SLC25A21: variants seen among roughly 807,000 people sequenced by gnomAD.
SLC25A21 encodes mitochondrial 2-oxodicarboxylate carrier.
SLC25A21 carries 47 observed loss-of-function variants against 43.8 expected under a neutral mutation model. The observed-to-expected ratio is 1.07, with a 90% CI of 0.85 to 1.37. The LOEUF is 1.37. SLC25A21 is among the 40% of genes most tolerant of loss of function. The pLI, the probability that SLC25A21 is intolerant of heterozygous loss-of-function variation, is 0.00. For synonymous variants in SLC25A21, 131 were observed against 121.3 expected (o/e 1.08, Z -0.52); for missense variants, 352 against 350.2 (o/e 1.00, Z -0.04).
At chr14:37,088,870 A>ACTCT (rs762859172) in intron 1 of SLC25A21, among the ~76,000 whole-genome samples, 3 of 151,076 alleles carry the variant, frequency 2.0e-5, no homozygotes, top group Middle Eastern at 3.4e-3. Context: ...TTTCTTTCTT[A>ACTCT]CTCTCTCTCT....
chr14:36,969,517 C>A (rs1318285534), intron 1 of SLC25A21, among the ~76,000 whole-genome samples: 1 of 152,080 alleles, frequency 6.6e-6, no homozygotes, highest in South Asian at 2.1e-4. Context: ...GAGACAGGGT[C>A]TTACCCGGTG....
At chr14:37,165,332 G>A (rs952756570) in intron 1 of SLC25A21, among the ~76,000 whole-genome samples, 4 of 151,872 alleles carry the variant, frequency 2.6e-5, no homozygotes, top group Non-Finnish European at 5.9e-5. Context: ...AGCCAAGATT[G>A]CGCCACTGTA....
At chr14:36,732,522 C>A (rs1006578221) in intron 4 of SLC25A21, among the ~76,000 whole-genome samples, 2 of 152,094 alleles carry the variant, frequency 1.3e-5, no homozygotes, top group Non-Finnish European at 2.9e-5. Flanking sequence ...TATTTAGCAT[C>A]AGTAAGTCTT....
chr14:36,737,786 G>T (rs571449696), intron 3 of SLC25A21, among the ~76,000 whole-genome samples: 1 of 152,150 alleles, frequency 6.6e-6, no homozygotes, highest in African/African-American at 2.4e-5. Context: ...TTTGGAGAAA[G>T]TCAATCTGCA....
At chr14:37,115,803 A>G (rs1963096328) in intron 1 of SLC25A21, among the ~76,000 whole-genome samples, 1 of 152,186 alleles carries the variant, frequency 6.6e-6, no homozygotes. Context: ...AACTAGTATA[A>G]GATTTCATAT....
Position 36,679,187 on chromosome 14 carries a change from T to C in SLC25A21, c.*1471A>G, listed in dbSNP as rs1412807569. On this transcript the variant is annotated 3_prime_UTR_variant, in exon 10 of 10. Transcript: ENST00000331299. The stretch of plus-strand genomic sequence containing the variant: ...GAGACACATTCTTATTTCTTTTTTT[T>C]CACAATTTTGTTTTGTTTTTAATGA... 7.1e-6 allele frequency: 7 copies of C among 985,086 alleles called. No individual in the cohort carries two copies. In the East Asian group the frequency reaches 4.5e-4, roughly 64 times the overall value. The allele number at this position is 985,086 out of a possible 1,614,324, so 61.0% of individuals were successfully genotyped here. A position where few individuals can be genotyped will look rare whatever the true frequency, so the allele number is the denominator to read the frequency against.
chr14:36,841,329 G>T (rs1371351700), intron 2 of SLC25A21, among the ~76,000 whole-genome samples: 1 of 152,144 alleles, frequency 6.6e-6, no homozygotes, highest in African/African-American at 2.4e-5. Flanking sequence ...TATAAGAATT[G>T]CTTACAACTT....
intron 2 of SLC25A21, among the ~76,000 whole-genome samples, chr14:36,841,665 T>C (rs752238910): frequency 2.7e-4 from 41 of 152,220 alleles, no homozygotes; most frequent in Admixed American, 4.6e-4. Flanking sequence ...ATAGTCTTCC[T>C]GGTGTGCCAC....
intron 3 of SLC25A21, among the ~76,000 whole-genome samples, chr14:36,747,453 T>C (rs1212796264): frequency 6.6e-6 from 1 of 152,210 alleles, no homozygotes; most frequent in Non-Finnish European, 1.5e-5. Context: ...TAGTACATTG[T>C]TGTTAGTTGC....
chr14:36,904,583 T>C (rs7157545), intron 1 of SLC25A21, among the ~76,000 whole-genome samples: 21,689 of 152,210 alleles, frequency 0.14, 2,146 homozygotes, highest in East Asian at 0.36. Context: ...GGGTAATTTA[T>C]AAACAAAAGA....
At chr14:37,028,639 A>ATAT (rs1357729963) in intron 1 of SLC25A21, among the ~76,000 whole-genome samples, 2 of 152,202 alleles carry the variant, frequency 1.3e-5, no homozygotes, top group African/African-American at 4.8e-5. Flanking sequence ...ATGGATGCTT[A>ATAT]GATGTATGAA....
At position 37,128,244 on chromosome 14, in the gene SLC25A21, T is replaced by C. The variant is rs138757412; in HGVS notation, c.70+44037A>G. 1.2e-3 allele frequency among the ~76,000 whole-genome samples: 182 copies of C among 152,278 alleles called. 2 individuals are homozygous for C. The East Asian group carries it at 0.019, about 16-fold the overall frequency. On this transcript the variant is annotated intron_variant, in intron 1 of 9. Transcript: ENST00000331299. ...ACCACCACAAGTTAGGAAAGAGACA[T>C]AGAATAAATTCTCCCTTAGTGCCTC... is the stretch of plus-strand genomic sequence containing the variant.
At chr14:37,080,201 G>T (rs1962359267) in intron 1 of SLC25A21, among the ~76,000 whole-genome samples, 7 of 152,084 alleles carry the variant, frequency 4.6e-5, no homozygotes. Flanking sequence ...CAAGGCCCTG[G>T]CAATGCTCAA....
chr14:36,792,276 T>C (rs1887513507), intron 3 of SLC25A21, among the ~76,000 whole-genome samples: 1 of 152,110 alleles, frequency 6.6e-6, no homozygotes, highest in African/African-American at 2.4e-5. Flanking sequence ...AGAAAGTGTA[T>C]TTGAGGTCTG....
chr14:37,039,683 C>T (rs1961403053), intron 1 of SLC25A21, among the ~76,000 whole-genome samples: 2 of 152,176 alleles, frequency 1.3e-5, no homozygotes, highest in Non-Finnish European at 2.9e-5. Flanking sequence ...AGGTACTGTG[C>T]TAGACACTGG....
At chr14:36,918,943 T>C (rs1240329039) in intron 1 of SLC25A21, among the ~76,000 whole-genome samples, 3 of 152,088 alleles carry the variant, frequency 2.0e-5, no homozygotes, top group Non-Finnish European at 4.4e-5. Flanking sequence ...AAAGGTTTTA[T>C]GTGATCAGTC....
At chr14:36,823,891 T>C (rs1296255513) in intron 2 of SLC25A21, among the ~76,000 whole-genome samples, 1 of 152,154 alleles carries the variant, frequency 6.6e-6, no homozygotes, top group Non-Finnish European at 1.5e-5. Context: ...TGTTGAACAT[T>C]AGCTCATTGT....
At chr14:36,806,473 C>A (rs848089) in intron 3 of SLC25A21, among the ~76,000 whole-genome samples, 98,997 of 151,956 alleles carry the variant, frequency 0.65, 33,175 homozygotes, top group East Asian at 0.89. Flanking sequence ...TTGAAGTGTC[C>A]CTACATACCC....
chr14:36,910,909 C>T (rs1302246838), intron 1 of SLC25A21, among the ~76,000 whole-genome samples: 4 of 152,066 alleles, frequency 2.6e-5, no homozygotes, highest in Admixed American at 1.3e-4. Context: ...CTTCTCTAAA[C>T]GAATTGTTAC....
Sources: gnomAD v4.1 joint callset for allele counts (sites outside exome capture counted in the v4.1 genomes callset) on GRCh38, gnomAD v4.1.1 for gene constraint, MANE v1.5 for transcripts, NCBI Gene and HGNC (gene_info 2026-07-23, HGNC 2026-07-21) for gene names.